Variants in UNC80 observed in about 807,000 individuals in gnomAD.
UNC80 encodes protein unc-80 homolog.
Under a neutral mutation model 384.6 loss-of-function variants are expected in UNC80, and 164 were observed. That is an observed-to-expected ratio of 0.43 (90% CI 0.38 to 0.49). The LOEUF is 0.49. Among genes scored for constraint, UNC80 ranks in the 20% least tolerant of loss-of-function variants. The pLI, the probability that UNC80 is intolerant of heterozygous loss-of-function variation, is 0.00. For synonymous variants in UNC80, 1,486 were observed against 1,527.8 expected (o/e 0.97, Z 0.64); for missense variants, 3,330 against 4,143.0 (o/e 0.80, Z 5.39).
chr2:209,835,685 A>G (rs1163793405), intron 18 of UNC80, among the ~76,000 whole-genome samples: 1 of 152,178 alleles, frequency 6.6e-6, no homozygotes. Flanking sequence ...GAGTGTAAAC[A>G]TGTACTTCGT....
intron 31 of UNC80, among the ~76,000 whole-genome samples, chr2:209,916,669 T>A (rs902331336): frequency 6.6e-6 from 1 of 152,240 alleles, no homozygotes; most frequent in South Asian, 2.1e-4. Flanking sequence ...CATTATCTTA[T>A]TGATAAACCA....
At chr2:209,788,455 G>A (rs1188533272) in intron 5 of UNC80, among the ~76,000 whole-genome samples, 2 of 148,016 alleles carry the variant, frequency 1.4e-5, no homozygotes, top group Non-Finnish European at 3.0e-5. Flanking sequence ...TATAAAATAA[G>A]TACATACGTT....
chr2:209,918,382 C>A, intron 32 of UNC80, 150 bp from the exon 33 acceptor site: 1 of 905,208 alleles, frequency 1.1e-6, no homozygotes, highest in Non-Finnish European at 1.6e-6. Flanking sequence ...AAAATCTTGG[C>A]AAATAGCCCT....
intron 22 of UNC80, among the ~76,000 whole-genome samples, chr2:209,869,684 T>C (rs1486884056): frequency 1.3e-5 from 2 of 152,148 alleles, no homozygotes; most frequent in East Asian, 3.9e-4. Flanking sequence ...AACAGTGACA[T>C]TTCCAAACAT....
chr2:209,878,176 A>G (rs2084946301), intron 24 of UNC80, 87 bp downstream of exon 24: 4 of 1,312,706 alleles, frequency 3.0e-6, no homozygotes, highest in Non-Finnish European at 4.0e-6. Flanking sequence ...TCTCCTTCAT[A>G]TTCTTACCAC....
intron 22 of UNC80, among the ~76,000 whole-genome samples, chr2:209,863,319 G>C (rs2083475169): frequency 1.3e-5 from 2 of 152,060 alleles, no homozygotes; most frequent in African/African-American, 4.8e-5. Flanking sequence ...TCTTGAGGTT[G>C]ATCTTCTCAT....
intron 1 of UNC80, 114 bp from the exon 2 acceptor site, chr2:209,772,980 A>T: frequency 4.8e-6 from 4 of 830,706 alleles, no homozygotes; most frequent in Non-Finnish European, 5.8e-6. Context: ...ATAAGGAAGC[A>T]TGAAATTTGA....
Position 209,995,351 on chromosome 2 carries a change from A to T in UNC80, c.9731A>T (p.Glu3244Val). 1 of 1,552,182 alleles carries T rather than the reference A, an allele frequency of 6.4e-7. No homozygotes were observed. The highest frequency in any genetic ancestry group is 8.7e-7 in the Non-Finnish European group (1 of 1,147,090). ...PKQSENFPTE[E>V]GEKEEDTEAQ... ...CAGAGTGAGAACTTCCCCACTGAAG[A>T]AGGAGAAAAGGAGGAGGACACAGAA... Residue 3244 changes from glutamate to valine, a missense_variant, in exon 65 of 65, where the codon GAA (glutamate) becomes GTA (valine). By Grantham distance (121) the Glu-to-Val change is moderately radical (BLOSUM62 -2). Transcript: ENST00000673920.
At chr2:209,928,403 A>G (rs998848003) in intron 36 of UNC80, among the ~76,000 whole-genome samples, 2 of 152,178 alleles carry the variant, frequency 1.3e-5, no homozygotes, top group African/African-American at 4.8e-5. Flanking sequence ...GACATACTCC[A>G]AACTGTTAAT....
Position 209,995,512 on chromosome 2 carries a change from A to C in UNC80, c.9892A>C (p.Asn3298His), listed in dbSNP as rs1188745026. Residue 3298 changes from asparagine (N) to histidine (H), a missense_variant, in exon 65 of 65, where the codon AAC (asparagine) becomes CAC (histidine). Physicochemically the swap from Asn to His is moderately conservative, Grantham distance 68. This residue lies in a region of UNC80 where 236 missense variants were observed against 254.9 expected (regional missense o/e 0.93). Transcript: ENST00000673920. Reference protein sequence around the residue: ...LHISEENGMENPLLSSQFTFT... With the variant: ...LHISEENGMEHPLLSSQFTFT... ...TATCAGTGAGGAAAATGGCATGGAG[A>C]ACCCGCTACTATCTAGTCAGTTCAC... 1.9e-6 allele frequency: 3 copies of C among 1,551,906 alleles called. No individual in the cohort carries two copies. The South Asian group carries it at 3.6e-5, about 18-fold the overall frequency.
intron 7 of UNC80, among the ~76,000 whole-genome samples, chr2:209,796,911 A>G (rs1458068722): frequency 6.6e-6 from 1 of 152,218 alleles, no homozygotes; most frequent in African/African-American, 2.4e-5. Flanking sequence ...AACTACCACT[A>G]CAATCCAATT....
intron 29 of UNC80, 61 bp downstream of exon 29, chr2:209,905,026 T>C: frequency 6.6e-7 from 1 of 1,519,680 alleles, no homozygotes; most frequent in Non-Finnish European, 8.9e-7. Context: ...TAACAATTTC[T>C]TCTCTGGAAA....
intron 6 of UNC80, among the ~76,000 whole-genome samples, chr2:209,791,337 T>C (rs2077783855): frequency 6.6e-6 from 1 of 152,186 alleles, no homozygotes; most frequent in African/African-American, 2.4e-5. Context: ...GTGGATCCTA[T>C]TGACTGTCGC....
chr2:209,976,109 C>T lies in UNC80; in HGVS notation c.8588-10C>T, dbSNP rs140180689. The T allele has an allele frequency of 2.5e-5, 39 of 1,542,840 alleles. No homozygotes were observed. In the East Asian group the frequency reaches 3.4e-4, roughly 14 times the overall value. On this transcript the variant is annotated splice_polypyrimidine_tract_variant and intron_variant, in intron 56 of 64. Coordinates refer to ENST00000673920, the MANE Select transcript of UNC80 (RefSeq NM_001371986.1). This position sits in a 1 kb window ranked among gnomAD's most constrained non-coding sequence, Gnocchi z 4.3. ...CCGCAGGCTCATTTTTCTCTTTTCC[C>T]GGTGTGAAGCGCTGAAGGTGATTCT...
intron 8 of UNC80, 66 bp downstream of exon 8, chr2:209,813,907 C>T: frequency 6.6e-7 from 1 of 1,513,756 alleles, no homozygotes; most frequent in Non-Finnish European, 8.9e-7. Context: ...CTTTTTTTCT[C>T]TGTGCATCCA....
At chr2:209,797,783 A>G (rs918151542) in intron 7 of UNC80, among the ~76,000 whole-genome samples, 1 of 152,220 alleles carries the variant, frequency 6.6e-6, no homozygotes, top group East Asian at 1.9e-4. Flanking sequence ...CCAACAGTGT[A>G]AAAGCATTCC....
At chr2:209,828,042 AC>A in intron 14 of UNC80, among the ~76,000 whole-genome samples, 1 of 152,146 alleles carries the variant, frequency 6.6e-6, no homozygotes, top group Middle Eastern at 3.2e-3. Context: ...TTCCCACTGA[AC>A]TCATACAGAT....
chr2:209,981,039 T>C (rs180799254), intron 59 of UNC80, among the ~76,000 whole-genome samples: 1 of 152,330 alleles, frequency 6.6e-6, no homozygotes, highest in Non-Finnish European at 1.5e-5. Flanking sequence ...CAAATTAAAA[T>C]TGCTAGCACG....
rs1329804266 is a variant in UNC80, at chr2:209,917,762, G to C, written c.5030-15G>C. ...ATTTTAAAAGCATAGCTGATGAATT[G>C]TTGACTGTCTCTAGCTGCCATGTTC... On this transcript the variant is annotated splice_polypyrimidine_tract_variant and intron_variant, in intron 31 of 64. Transcript: ENST00000673920. The C allele has an allele frequency of 6.4e-7, 1 of 1,551,594 alleles. No individual in the cohort carries two copies. Among genetic ancestry groups the C allele is most frequent in the African/African-American group, 1.4e-5 (1 of 73,154 alleles).
Sources: gnomAD v4.1 joint callset for allele counts (sites outside exome capture counted in the v4.1 genomes callset) on GRCh38, gnomAD v4.1.1 for gene constraint, gnomAD v4.1.1 regional missense constraint, Gnocchi (gnomAD v3.1) non-coding constraint, MANE v1.5 for transcripts, NCBI Gene and HGNC (gene_info 2026-07-23, HGNC 2026-07-21) for gene names.